Variants in SLC14A2 observed in about 807,000 individuals in gnomAD.
SLC14A2 encodes the protein solute carrier family 14 member 2.
In SLC14A2, 91 loss-of-function variants were observed where a neutral mutation model predicts 104.6. The observed-to-expected ratio is 0.87, with a 90% CI of 0.73 to 1.04. SLC14A2 has a LOEUF of 1.04. Among genes scored for constraint, SLC14A2 ranks in the 50% least tolerant of loss-of-function variants. SLC14A2 has a pLI of 0.00. For synonymous variants in SLC14A2, 476 were observed against 466.4 expected (o/e 1.02, Z -0.27); for missense variants, 1,189 against 1,156.0 (o/e 1.03, Z -0.41).
chr18:45,512,579 C>T (rs866080288), intron 2 of SLC14A2, among the ~76,000 whole-genome samples: 6 of 152,186 alleles, frequency 3.9e-5, no homozygotes, highest in Non-Finnish European at 7.3e-5. Flanking sequence ...AGTGCAATTT[C>T]CCTCCTGCAC....
chr18:45,502,375 G>A (rs915845534), intron 2 of SLC14A2, among the ~76,000 whole-genome samples: 3 of 152,208 alleles, frequency 2.0e-5, no homozygotes, highest in African/African-American at 7.2e-5. Context: ...CAGGGTCTGT[G>A]CCATCTCATC....
intron 1 of SLC14A2, among the ~76,000 whole-genome samples, chr18:45,416,162 A>G (rs942147092): frequency 1.3e-5 from 2 of 152,008 alleles, no homozygotes; most frequent in African/African-American, 4.8e-5. Flanking sequence ...ATTATCTTAG[A>G]ATTCATTTGC....
At chr18:45,484,801 C>T (rs1004777226) in intron 2 of SLC14A2, among the ~76,000 whole-genome samples, 4 of 151,638 alleles carry the variant, frequency 2.6e-5, no homozygotes, top group Admixed American at 1.3e-4. Flanking sequence ...TTTGAGTGTG[C>T]GTGTGTGTAA....
At chr18:45,439,072 G>A (rs368163080) in intron 1 of SLC14A2, among the ~76,000 whole-genome samples, 3 of 152,200 alleles carry the variant, frequency 2.0e-5, no homozygotes, top group African/African-American at 7.2e-5. Context: ...ATCACTTGAG[G>A]GCCGGAGTTG....
At chr18:45,536,504 C>T (rs1372791416) in intron 2 of SLC14A2, among the ~76,000 whole-genome samples, 1 of 152,136 alleles carries the variant, frequency 6.6e-6, no homozygotes, top group Non-Finnish European at 1.5e-5. Context: ...TCACTCTAAC[C>T]TCTGCCTCTG....
At chr18:45,285,666 C>T (rs887521684) in intron 1 of SLC14A2, among the ~76,000 whole-genome samples, 2 of 79,744 alleles carry the variant, frequency 2.5e-5, no homozygotes, top group Non-Finnish European at 4.6e-5. Flanking sequence ...GATCTGCCCC[C>T]CCCCCCCCTC....
At chr18:45,322,530 G>A (rs924478444) in intron 1 of SLC14A2, among the ~76,000 whole-genome samples, 6 of 152,164 alleles carry the variant, frequency 3.9e-5, no homozygotes, top group South Asian at 2.1e-4. Flanking sequence ...TTTGATAAAT[G>A]TTACACATTT....
intron 1 of SLC14A2, among the ~76,000 whole-genome samples, chr18:45,361,565 C>T (rs955947360): frequency 1.3e-5 from 2 of 152,184 alleles, no homozygotes; most frequent in Non-Finnish European, 2.9e-5. Context: ...TTTAAAACTT[C>T]TGGGCTTGGC....
chr18:45,362,674 C>A (rs376316074), intron 1 of SLC14A2, among the ~76,000 whole-genome samples: 1 of 152,158 alleles, frequency 6.6e-6, no homozygotes, highest in Admixed American at 6.5e-5. Context: ...TAGCTGCTAC[C>A]AGGTAGGGCC....
chr18:45,186,296 G>A, the SLC14A2 span, among the ~76,000 whole-genome samples: 2 of 152,048 alleles, frequency 1.3e-5, no homozygotes, highest in African/African-American at 4.8e-5. Flanking sequence ...CAGGACAGAG[G>A]GCCACTTTTA....
At chr18:45,458,537 G>C (rs1163633184) in intron 1 of SLC14A2, among the ~76,000 whole-genome samples, 2 of 152,152 alleles carry the variant, frequency 1.3e-5, no homozygotes, top group Non-Finnish European at 2.9e-5. Flanking sequence ...TTTTCTCTCT[G>C]TGACATCATG....
intron 1 of SLC14A2, among the ~76,000 whole-genome samples, chr18:45,458,724 C>T (rs1469205393): frequency 6.6e-6 from 1 of 152,048 alleles, no homozygotes; most frequent in Admixed American, 6.6e-5. Context: ...TAAAATTGCC[C>T]AAGGGCAATT....
At chr18:45,237,195 T>G (rs559972738) in intron 1 of SLC14A2, among the ~76,000 whole-genome samples, 39 of 152,234 alleles carry the variant, frequency 2.6e-4, no homozygotes, top group African/African-American at 9.1e-4. Flanking sequence ...AATAAACACA[T>G]GAGGGCCCCA....
chr18:45,472,685 T>C (rs1207092616), intron 1 of SLC14A2, among the ~76,000 whole-genome samples: 1 of 152,224 alleles, frequency 6.6e-6, no homozygotes, highest in Non-Finnish European at 1.5e-5. Context: ...TTTTGAGAAG[T>C]GTCTGTCCAT....
intron 2 of SLC14A2, among the ~76,000 whole-genome samples, chr18:45,521,174 C>T (rs541940035): frequency 1.3e-5 from 2 of 152,228 alleles, no homozygotes; most frequent in Non-Finnish European, 1.5e-5. Flanking sequence ...GAGGCTTTAA[C>T]CTGATAGGGA....
intron 1 of SLC14A2, among the ~76,000 whole-genome samples, chr18:45,363,983 A>C (rs1175546461): frequency 1.3e-5 from 2 of 152,148 alleles, no homozygotes; most frequent in Non-Finnish European, 2.9e-5. Flanking sequence ...CAGTCTCCTC[A>C]ATTGCTTTGC....
chr18:45,308,286 A>G (rs1285859102), intron 1 of SLC14A2, among the ~76,000 whole-genome samples: 1 of 152,162 alleles, frequency 6.6e-6, no homozygotes. Context: ...TTTTCCACCT[A>G]AAAATTCTCA....
At chr18:45,168,220 C>A in the SLC14A2 span, among the ~76,000 whole-genome samples, 1 of 152,170 alleles carries the variant, frequency 6.6e-6, no homozygotes, top group Non-Finnish European at 1.5e-5. Flanking sequence ...TAACGTATAA[C>A]TGGCAAAAAG....
At chr18:45,432,377 C>T (rs1334086308) in intron 1 of SLC14A2, among the ~76,000 whole-genome samples, 2 of 152,090 alleles carry the variant, frequency 1.3e-5, no homozygotes, top group Non-Finnish European at 2.9e-5. Context: ...CTCCAAAGAA[C>T]GTAGCTACAA....
Sources: gnomAD v4.1 joint callset for allele counts (sites outside exome capture counted in the v4.1 genomes callset) on GRCh38, gnomAD v4.1.1 for gene constraint, MANE v1.5 for transcripts, NCBI Gene and HGNC (gene_info 2026-07-23, HGNC 2026-07-21) for gene names.